WNK2: variants seen among roughly 807,000 people sequenced by gnomAD.
WNK2 encodes the protein serine/threonine-protein kinase WNK2.
A neutral mutation model predicts 192.1 loss-of-function variants in WNK2; 67 were observed. The ratio of observed to expected loss-of-function variants is 0.35; its 90% confidence interval spans 0.29 to 0.43. The LOEUF is 0.43. Among genes scored for constraint, WNK2 ranks in the 20% least tolerant of loss-of-function variants. The probability of loss-of-function intolerance (pLI) is 1.00; values close to 1 mark genes in which losing one functional copy is unlikely to be tolerated. For missense variants in WNK2, 2,698 were observed against 3,089.7 expected, an observed-to-expected ratio of 0.87 and a Z score of 3.01; for synonymous variants, 1,439 against 1,393.9, an observed-to-expected ratio of 1.03 and a Z score of -0.72.
chr9:93,300,117 G>A lies in WNK2; in HGVS notation c.6182G>A (p.Arg2061Gln), dbSNP rs1424271549. 11 of 1,613,300 alleles carry A rather than the reference G, an allele frequency of 6.8e-6. No individual in the cohort carries two copies. The highest frequency in any genetic ancestry group is 2.2e-5 in the East Asian group (1 of 44,884). The change falls in exon 26 of 30, where the codon CGA (arginine) becomes CAA (glutamine). Residue 2061 changes from arginine to glutamine, a missense_variant. Transcript: ENST00000427277. ...TYKSSSKPRARFLSGPVSVSI... is the reference protein window; with the variant it reads ...TYKSSSKPRAQFLSGPVSVSI... ...AAGTCTAGTAGCAAACCTCGTGCTC[G>A]ATTCCTCAGTGGACCCGTATCTGTG... is the stretch of plus-strand genomic sequence containing the variant.
chr9:93,210,719 G>A (rs1309923271), intron 2 of WNK2, among the ~76,000 whole-genome samples: 3 of 152,182 alleles, frequency 2.0e-5, no homozygotes, highest in Admixed American at 6.5e-5. Flanking sequence ...GGGCAGGCCT[G>A]CTGCCTGAGG....
intron 26 of WNK2, among the ~76,000 whole-genome samples, chr9:93,301,380 T>C (rs1224159170): frequency 6.6e-6 from 1 of 152,106 alleles, no homozygotes; most frequent in Non-Finnish European, 1.5e-5. Context: ...CAGAGGTCCA[T>C]GTGGGTCATC....
At chr9:93,296,980 C>T (rs1240325101) in intron 23 of WNK2, among the ~76,000 whole-genome samples, 1 of 135,318 alleles carries the variant, frequency 7.4e-6, no homozygotes, top group Admixed American at 7.3e-5. Context: ...CGGCCTCCTC[C>T]CCTTGGCTTC....
rs1310924717 is a variant in WNK2 at position 93,280,783 on chromosome 9, A to G, written c.4034-8005A>G. On this transcript the variant is annotated intron_variant, in intron 19 of 29. Coordinates refer to ENST00000427277, the MANE Select transcript of WNK2 (RefSeq NM_006648.4). ...GCATATGTTGTCTGTACTGTGGCAG[A>G]AGCTTCCAAACTTTTAAAGAACCTG... 3.3e-5 allele frequency among the ~76,000 whole-genome samples: 5 copies of G among 152,316 alleles called. No homozygotes were observed. In the South Asian group the frequency reaches 1.0e-3, roughly 32 times the overall value.
At chr9:93,307,093 T>G in intron 27 of WNK2, 1 of 522,242 alleles carries the variant, frequency 1.9e-6, no homozygotes, top group Non-Finnish European at 3.4e-6. Context: ...CACCCGCAAA[T>G]TGCCGATCAT....
chr9:93,233,181 G>A (rs1240181281), intron 4 of WNK2, among the ~76,000 whole-genome samples: 1 of 136,912 alleles, frequency 7.3e-6, no homozygotes, highest in Non-Finnish European at 1.5e-5. Context: ...CTGGGCGACA[G>A]GGCACGATCC....
rs1171545105 is a variant in WNK2, at chr9:93,256,919, C to T, written c.2191-29C>T. 4.6e-6 allele frequency: 7 copies of T among 1,531,908 alleles called. No homozygotes were observed. The South Asian group carries it at 6.0e-5, about 13-fold the overall frequency. The allele number at this position is 1,531,908 out of a possible 1,614,324, so 94.9% of individuals were successfully genotyped here. On this transcript the variant is annotated intron_variant, in intron 10 of 29. Coordinates refer to ENST00000427277, the MANE Select transcript of WNK2 (RefSeq NM_006648.4). ...GCGCTTGTCTGGGCAGATTGGTGGT[C>T]TAAGGGGAGCTACCTTCTCTCCCTC...
intron 2 of WNK2, among the ~76,000 whole-genome samples, chr9:93,200,526 T>G (rs951349764): frequency 2.0e-5 from 3 of 152,250 alleles, no homozygotes; most frequent in Non-Finnish European, 4.4e-5. Flanking sequence ...TACCCTGGGC[T>G]GCCATTGCCC....
At chr9:93,303,490 CCTT>C (rs1851965817) in intron 26 of WNK2, among the ~76,000 whole-genome samples, 1 of 152,178 alleles carries the variant, frequency 6.6e-6, no homozygotes, top group East Asian at 1.9e-4. Context: ...GCCTTCTAGG[CCTT>C]CTCCCACCGT....
chr9:93,254,549 G>A (rs906572497), intron 9 of WNK2, among the ~76,000 whole-genome samples: 12 of 152,372 alleles, frequency 7.9e-5, no homozygotes, highest in Admixed American at 7.8e-4. Context: ...AGCAGTGGAA[G>A]CTGTTTGCCG....
chr9:93,319,167 T>C (rs888903412), intron 29 of WNK2: 2 of 1,614,026 alleles, frequency 1.2e-6, no homozygotes, highest in Non-Finnish European at 1.7e-6. Flanking sequence ...CCCCAATAGA[T>C]TGTATATCTG....
At chr9:93,190,392 G>A (rs1314905122) in intron 2 of WNK2, among the ~76,000 whole-genome samples, 2 of 152,244 alleles carry the variant, frequency 1.3e-5, no homozygotes, top group Non-Finnish European at 2.9e-5. Context: ...CTGTGGCTCA[G>A]TGGTGCCGTG....
intron 4 of WNK2, among the ~76,000 whole-genome samples, chr9:93,232,492 T>A (rs1169624352): frequency 2.0e-5 from 3 of 152,096 alleles, no homozygotes; most frequent in Non-Finnish European, 4.4e-5. Flanking sequence ...ATTTTGCAAA[T>A]TTGGCTTCAG....
At chr9:93,254,612 A>G (rs571161873) in intron 9 of WNK2, among the ~76,000 whole-genome samples, 2 of 152,362 alleles carry the variant, frequency 1.3e-5, no homozygotes, top group African/African-American at 4.8e-5. Context: ...TTGCATTTGC[A>G]GTTTTCTTCA....
At chr9:93,282,732 A>C (rs577210942) in intron 19 of WNK2, among the ~76,000 whole-genome samples, 1 of 152,218 alleles carries the variant, frequency 6.6e-6, no homozygotes, top group African/African-American at 2.4e-5. Flanking sequence ...GCAATTTACA[A>C]TCATGGGAGA....
At chr9:93,264,059 C>CT in intron 16 of WNK2, 26 bp downstream of exon 16, 1 of 1,567,312 alleles carries the variant, frequency 6.4e-7, no homozygotes, top group Non-Finnish European at 8.7e-7. Context: ...GGTGGCTTGG[C>CT]TCCCGGTGTT....
At chr9:93,208,923 C>T (rs1429204494) in intron 2 of WNK2, among the ~76,000 whole-genome samples, 2 of 152,038 alleles carry the variant, frequency 1.3e-5, no homozygotes, top group African/African-American at 4.8e-5. Context: ...CATTCACATT[C>T]GTGCAGCAGA....
At chr9:93,285,307 GGAA>G (rs1848292885) in intron 19 of WNK2, among the ~76,000 whole-genome samples, 1 of 152,104 alleles carries the variant, frequency 6.6e-6, no homozygotes, top group Non-Finnish European at 1.5e-5. Flanking sequence ...GGATTGGAAA[GGAA>G]GAAATAAAAC....
At chr9:93,280,957 G>A (rs1163619135) in intron 19 of WNK2, among the ~76,000 whole-genome samples, 1 of 152,182 alleles carries the variant, frequency 6.6e-6, no homozygotes, top group African/African-American at 2.4e-5. Flanking sequence ...TAATTATGCT[G>A]AATGAAAAGA....
Sources: allele counts gnomAD v4.1 joint callset (sites outside exome capture counted in the v4.1 genomes callset), GRCh38; gene constraint gnomAD v4.1.1; transcripts MANE v1.5; gene names NCBI Gene and HGNC (gene_info 2026-07-23, HGNC 2026-07-21).